TRIP12: variants seen among roughly 807,000 people sequenced by gnomAD.
TRIP12 encodes the protein E3 ubiquitin-protein ligase TRIP12.
A neutral mutation model predicts 244.2 loss-of-function variants in TRIP12; 25 were observed. The observed-to-expected ratio is 0.10, with a 90% CI of 0.07 to 0.14. The LOEUF is 0.14. Among genes scored for constraint, TRIP12 ranks in the 10% least tolerant of loss-of-function variants. The probability of loss-of-function intolerance (pLI) is 1.00; values close to 1 mark genes in which losing one functional copy is unlikely to be tolerated. For missense variants in TRIP12, 1,677 were observed against 2,486.4 expected (o/e 0.67, Z 6.92); for synonymous variants, 905 against 873.1 (o/e 1.04, Z -0.64).
At chr2:229,922,781 C>T (rs1382003351), upstream of TRIP12, among the ~76,000 whole-genome samples, 1 of 152,212 alleles carries the variant, frequency 6.6e-6, no homozygotes, top group African/African-American at 2.4e-5. Flanking sequence ...GTCCGACGGC[C>T]CGCGTGTCCC....
chr2:229,921,627 C>T (rs1331538581), intron 1 of TRIP12: 1 of 152,244 alleles, frequency 6.6e-6, no homozygotes, highest in East Asian at 1.9e-4. Context: ...CGACCCCTAC[C>T]TCCCGCCAGG....
At chr2:229,918,780 C>T (rs2075967995) in intron 1 of TRIP12, among the ~76,000 whole-genome samples, 1 of 152,142 alleles carries the variant, frequency 6.6e-6, no homozygotes, top group Non-Finnish European at 1.5e-5. Flanking sequence ...CCCCATGGAC[C>T]ACCACGACTA....
intron 13 of TRIP12, 55 bp from the exon 14 acceptor site, chr2:229,811,259 C>A: frequency 6.6e-7 from 1 of 1,518,522 alleles, no homozygotes; most frequent in South Asian, 1.2e-5. Flanking sequence ...TTTTCACTGT[C>A]ATGTATCACT....
chr2:229,783,413 G>A (rs148178629), intron 34 of TRIP12, among the ~76,000 whole-genome samples: 1 of 152,098 alleles, frequency 6.6e-6, no homozygotes, highest in Non-Finnish European at 1.5e-5. Flanking sequence ...TACAATAATC[G>A]TAAGTGATTT....
At chr2:229,872,272 A>T (rs574105784) in intron 2 of TRIP12, among the ~76,000 whole-genome samples, 33 of 151,958 alleles carry the variant, frequency 2.2e-4, no homozygotes, top group African/African-American at 7.2e-4. Context: ...TCTCTTTTAA[A>T]AAAAGAAGAG....
intron 6 of TRIP12, among the ~76,000 whole-genome samples, chr2:229,835,319 G>A (rs987085507): frequency 9.2e-5 from 14 of 152,184 alleles, no homozygotes; most frequent in African/African-American, 3.4e-4. Flanking sequence ...GCCTGGAACT[G>A]TTTAGAAAGG....
intron 8 of TRIP12, among the ~76,000 whole-genome samples, chr2:229,819,662 G>A (rs1333067269): frequency 6.6e-6 from 1 of 152,134 alleles, no homozygotes; most frequent in Admixed American, 6.5e-5. Flanking sequence ...CTTATATGAT[G>A]TTACTTTTAA....
chr2:229,821,080 T>A (rs958809190), intron 8 of TRIP12, among the ~76,000 whole-genome samples: 1 of 152,172 alleles, frequency 6.6e-6, no homozygotes, highest in Non-Finnish European at 1.5e-5. Flanking sequence ...AAAAGACATG[T>A]CTTGGGAGTA....
At position 229,906,936 on chromosome 2, in the gene TRIP12, CAA is replaced by C. The variant is rs749088859; in HGVS notation, c.-50+14942_-50+14943del. On this transcript the variant is annotated intron_variant, in intron 1 of 41. Transcript: ENST00000675903. ...TTATTTATTTGAAACTGTAAGTAGT[CAA>C]AGAGACTATAATTAGCAGTGATAAA... 2.9e-4 allele frequency among the ~76,000 whole-genome samples: 44 copies of C among 152,122 alleles called. 1 individual carries two copies. Among genetic ancestry groups the C allele is most frequent in the Middle Eastern group, 3.4e-3 (1 of 294 alleles).
In TRIP12 at chr2:229,774,192, G is replaced by A. The variant is rs147622364; in HGVS notation, c.5599C>T (p.Leu1867=). 18 of 1,614,038 alleles carry A rather than the reference G, an allele frequency of 1.1e-5. No individual in the cohort carries two copies. Among genetic ancestry groups the A allele is most frequent in the Non-Finnish European group, 1.4e-5 (16 of 1,180,040 alleles). The change falls in exon 38 of 42, where the codon CTG becomes TTG. Residue 1867 remains leucine (L), a synonymous_variant. Coordinates refer to ENST00000675903, the MANE Select transcript of TRIP12 (RefSeq NM_001348323.3). ...GGAAACCCTGGCAGAGTGAAATCCA[G>A]TCCTAGATCTTCAACTGAGCAGCCA... is the stretch of plus-strand genomic sequence containing the variant. ...MNGCSVEDLG[L]DFTLPGFPNI...
chr2:229,791,371 C>G, intron 29 of TRIP12, 120 bp from the exon 30 acceptor site: 1 of 1,159,488 alleles, frequency 8.6e-7, no homozygotes, highest in Admixed American at 2.2e-5. Context: ...TCTCCTCTCT[C>G]TCCCTAGTGT....
At chr2:229,863,254 A>G (rs970431579) in intron 2 of TRIP12, among the ~76,000 whole-genome samples, 7 of 151,942 alleles carry the variant, frequency 4.6e-5, no homozygotes, top group South Asian at 4.2e-4. Flanking sequence ...AAGAAAGAAA[A>G]AAAAAAAATC....
intron 11 of TRIP12, 156 bp from the exon 12 acceptor site, chr2:229,814,481 G>T: frequency 1.7e-6 from 1 of 603,408 alleles, no homozygotes. Context: ...AAGCTACAAA[G>T]TATAGCCAAA....
rs966312892 is a variant in TRIP12 at position 229,883,673 on chromosome 2, A to T, written c.-49-3545T>A. Among the ~76,000 whole-genome samples, 3 of 152,214 alleles carry T rather than the reference A, an allele frequency of 2.0e-5. No homozygotes were observed. The South Asian group carries it at 6.2e-4, about 31-fold the overall frequency. ...CCTAAGGTACTGAAATAAAATAGAG[A>T]ACATGTATGACTTTAACAGGAAAAA... On this transcript the variant is annotated intron_variant, in intron 1 of 41. Coordinates refer to ENST00000675903, the MANE Select transcript of TRIP12 (RefSeq NM_001348323.3).
In TRIP12 at chr2:229,795,226, A is replaced by C. The variant is rs1175867595; in HGVS notation, c.3921T>G (p.Phe1307Leu). 1 of 1,614,020 alleles carries C rather than the reference A, an allele frequency of 6.2e-7. No individual in the cohort carries two copies. Among genetic ancestry groups the C allele is most frequent in the Non-Finnish European group, 8.5e-7 (1 of 1,179,944 alleles). ...MNNCLSQMEQ[F>L]PVKVHDFPSG... ...TAGGGAAATCATGTACTTTGACTGG[A>C]AATTGTTCCATCTGGCTGAGGCAGT... The change falls in exon 26 of 42, where the codon TTT (phenylalanine) becomes TTG (leucine). Residue 1307 changes from phenylalanine to leucine, a missense_variant. By Grantham distance (22) the Phe-to-Leu change is conservative. Around this residue, in one of 11 missense-constraint regions of TRIP12, gnomAD observed 265 missense variants for 370.8 expected, o/e 0.71. Transcript: ENST00000675903.
Position 229,829,306 on chromosome 2 carries a change from G to T in TRIP12, c.1355-18C>A. 1 of 1,600,752 alleles carries T rather than the reference G, an allele frequency of 6.2e-7. No homozygotes were observed. The highest frequency in any genetic ancestry group is 8.5e-7 in the Non-Finnish European group (1 of 1,172,142). The stretch of plus-strand genomic sequence containing the variant: ...TAACAAAGCTAAAGAAAAAAGAAGG[G>T]CAGAGTGAACAACTAAGATGACTTC... On this transcript the variant is annotated intron_variant, in intron 7 of 41. Coordinates refer to ENST00000675903, the MANE Select transcript of TRIP12 (RefSeq NM_001348323.3).
intron 1 of TRIP12, among the ~76,000 whole-genome samples, chr2:229,885,236 A>T (rs2065770572): frequency 6.6e-6 from 1 of 152,082 alleles, no homozygotes; most frequent in South Asian, 2.1e-4. Context: ...GTACCCCCCT[A>T]ATTTCTTACG....
intron 17 of TRIP12, among the ~76,000 whole-genome samples, chr2:229,806,933 G>A (rs1034683340): frequency 3.9e-5 from 6 of 152,150 alleles, no homozygotes; most frequent in Non-Finnish European, 7.3e-5. Context: ...CTCATGTATT[G>A]AAAATAGTAA....
chr2:229,832,676 C>T (rs979712392), intron 6 of TRIP12, among the ~76,000 whole-genome samples: 1 of 152,196 alleles, frequency 6.6e-6, no homozygotes, highest in African/African-American at 2.4e-5. Context: ...TTTGAGCATA[C>T]TTGGCCAAGG....
Sources: gnomAD v4.1 joint callset for allele counts (sites outside exome capture counted in the v4.1 genomes callset) on GRCh38, gnomAD v4.1.1 for gene constraint, gnomAD v4.1.1 regional missense constraint, MANE v1.5 for transcripts, NCBI Gene and HGNC (gene_info 2026-07-23, HGNC 2026-07-21) for gene names.